Variants in SLC35A3 observed in about 807,000 individuals in gnomAD.
SLC35A3 encodes the protein UDP-N-acetylglucosamine transporter.
SLC35A3 carries 26 observed loss-of-function variants against 39.0 expected under a neutral mutation model. The ratio of observed to expected loss-of-function variants is 0.67; its 90% CI spans 0.49 to 0.92. SLC35A3 has a LOEUF of 0.92. Ranked by LOEUF, SLC35A3 falls within the 40% of genes least tolerant of loss-of-function variation. SLC35A3 has a pLI of 0.00. For missense variants in SLC35A3, 299 were observed against 371.6 expected (o/e 0.80, Z 1.61); for synonymous variants, 135 against 133.1 (o/e 1.01, Z -0.10).
intron 2 of SLC35A3, among the ~76,000 whole-genome samples, chr1:99,995,076 A>G (rs1406517003): frequency 2.0e-5 from 3 of 147,822 alleles, no homozygotes. Context: ...ATGAATTTTT[A>G]TGGGGTTTTT....
intron 7 of SLC35A3, 26 bp from the exon 8 acceptor site, chr1:100,022,360 T>C: frequency 8.0e-7 from 1 of 1,252,892 alleles, no homozygotes; most frequent in Non-Finnish European, 1.2e-6. Flanking sequence ...ATTTTCTCTT[T>C]TTTATTTTGT....
chr1:100,019,717 A>T (rs754902785), intron 7 of SLC35A3, among the ~76,000 whole-genome samples: 1 of 152,024 alleles, frequency 6.6e-6, no homozygotes, highest in South Asian at 2.1e-4. Flanking sequence ...TAGTTTGTCA[A>T]TCCTTGCTCA....
At chr1:99,998,621 T>C (rs1046801731) in intron 2 of SLC35A3, among the ~76,000 whole-genome samples, 3 of 152,112 alleles carry the variant, frequency 2.0e-5, no homozygotes, top group Non-Finnish European at 4.4e-5. Flanking sequence ...AACTTTCAAT[T>C]TGGAAGAAAA....
At chr1:100,011,940 A>G (rs188901832) in intron 5 of SLC35A3, among the ~76,000 whole-genome samples, 2,038 of 151,778 alleles carry the variant, frequency 0.013, 18 homozygotes, top group Middle Eastern at 0.058. Context: ...GGATGGTCTC[A>G]ATTTCTTGAC....
Position 100,017,169 on chromosome 1 carries a change from A to G in SLC35A3, c.754-513A>G, listed in dbSNP as rs1463753290. Among the ~76,000 whole-genome samples the G allele has an allele frequency of 2.0e-5, 3 of 152,200 alleles. No individual in the cohort carries two copies. The East Asian group carries it at 5.8e-4, about 29-fold the overall frequency. On this transcript the variant is annotated intron_variant, in intron 6 of 7. Coordinates refer to ENST00000533028, the MANE Select transcript of SLC35A3 (RefSeq NM_012243.3). ...GAGGGATTAGGTAAGTTCTTTCTACAGTCTTAAAGAAAAAGCACAATTAAA... is the reference window on the plus strand; with the variant it reads ...GAGGGATTAGGTAAGTTCTTTCTACGGTCTTAAAGAAAAAGCACAATTAAA...
chr1:100,027,165 G>A lies in SLC35A3; in HGVS notation c.*4689G>A, dbSNP rs746072026. ...AGCCCATATTCTAGCATGAAATACT[G>A]GGTTGGCCAGGTGCAGTGGCTCATT... On this transcript the variant is annotated 3_prime_UTR_variant, in exon 8 of 8. Transcript: ENST00000533028. The A allele has an allele frequency of 6.3e-5, 25 of 398,498 alleles. No individual in the cohort carries two copies. The highest frequency in any genetic ancestry group is 9.3e-5 in the Non-Finnish European group (21 of 226,060). The allele number at this position is 398,498 out of a possible 1,614,324, so 24.7% of individuals were successfully genotyped here. A position where few individuals can be genotyped will look rare whatever the true frequency, so the allele number is the denominator to read the frequency against.
intron 1 of SLC35A3, among the ~76,000 whole-genome samples, chr1:99,972,988 T>A (rs960983925): frequency 6.6e-6 from 1 of 152,230 alleles, no homozygotes; most frequent in African/African-American, 2.4e-5. Context: ...GAAATTGATA[T>A]AATTTGTGTC....
chr1:100,020,389 A>G (rs559894940), intron 7 of SLC35A3, among the ~76,000 whole-genome samples: 19 of 152,336 alleles, frequency 1.2e-4, no homozygotes, highest in Admixed American at 7.8e-4. Context: ...AGTCCATGCC[A>G]TTCCAAAGTT....
At chr1:99,999,805 C>T (rs966315608) in intron 3 of SLC35A3, among the ~76,000 whole-genome samples, 61 of 151,760 alleles carry the variant, frequency 4.0e-4, no homozygotes, top group African/African-American at 1.4e-3. Flanking sequence ...GAGATCCCCC[C>T]GCTCCCTTTT....
chr1:100,024,646 G>T lies in SLC35A3; in HGVS notation c.*2170G>T. The T allele has an allele frequency of 2.9e-6, 1 of 343,348 alleles. No individual in the cohort carries two copies. Among genetic ancestry groups the T allele is most frequent in the Non-Finnish European group, 5.1e-6 (1 of 194,530 alleles). 21.3% of individuals were successfully genotyped at this position (343,348 alleles called of 1,614,324 possible). A position where few individuals can be genotyped will look rare whatever the true frequency, so the allele number is the denominator to read the frequency against. On this transcript the variant is annotated 3_prime_UTR_variant, in exon 8 of 8. Transcript: ENST00000533028. ...TCTTTTTTTTTTTTTTTGAGACAGA[G>T]TCTCACTTTGTCGCCAGGCTGGAGT...
At position 100,033,470 on chromosome 1, in the gene SLC35A3, T is replaced by C. The variant is rs1661360756; in HGVS notation, c.*10994T>C. On this transcript the variant is annotated 3_prime_UTR_variant, in exon 8 of 8. Coordinates refer to ENST00000533028, the MANE Select transcript of SLC35A3 (RefSeq NM_012243.3). ...TTAGTTTTCCAATTTATCTTTCATG[T>C]GTTTCTTTTTAAAAAGCAAACAAAT... The C allele has an allele frequency of 6.6e-6, 1 of 152,164 alleles. No individual in the cohort carries two copies. The highest frequency in any genetic ancestry group is 1.9e-4 in the East Asian group (1 of 5,196). 9.4% of individuals were successfully genotyped at this position (152,164 alleles called of 1,614,324 possible). A position where few individuals can be genotyped will look rare whatever the true frequency, so the allele number is the denominator to read the frequency against.
At position 99,973,301 on chromosome 1, in the gene SLC35A3, T is replaced by C. The variant is rs549788941; in HGVS notation, c.-19+3139T>C. Among the ~76,000 whole-genome samples the C allele has an allele frequency of 2.6e-5, 4 of 152,354 alleles. No individual in the cohort carries two copies. The South Asian group carries it at 8.3e-4, about 32-fold the overall frequency. ...ATCACACTGACAGTTAATAATGTCATTCATGAGTATTAATTTATTATTAAA... is the reference window on the plus strand; with the variant it reads ...ATCACACTGACAGTTAATAATGTCACTCATGAGTATTAATTTATTATTAAA... On this transcript the variant is annotated intron_variant, in intron 1 of 7. Coordinates refer to ENST00000533028, the MANE Select transcript of SLC35A3 (RefSeq NM_012243.3).
intron 1 of SLC35A3, among the ~76,000 whole-genome samples, chr1:99,977,923 A>G (rs1240101327): frequency 1.3e-5 from 2 of 152,204 alleles, no homozygotes; most frequent in South Asian, 2.1e-4. Flanking sequence ...GAGCAATTCT[A>G]TCTTAATGAG....
At chr1:99,996,890 T>C (rs930131847) in intron 2 of SLC35A3, among the ~76,000 whole-genome samples, 14 of 152,226 alleles carry the variant, frequency 9.2e-5, no homozygotes, top group Middle Eastern at 3.4e-3. Flanking sequence ...AAACTTTCCA[T>C]AATCAAAGTC....
At chr1:99,998,023 T>G (rs997138802) in intron 2 of SLC35A3, among the ~76,000 whole-genome samples, 2 of 152,140 alleles carry the variant, frequency 1.3e-5, no homozygotes, top group Admixed American at 6.5e-5. Flanking sequence ...GGCACCACTT[T>G]GAGTTTTCTT....
intron 1 of SLC35A3, among the ~76,000 whole-genome samples, chr1:99,971,216 A>G (rs983846979): frequency 6.6e-6 from 1 of 152,052 alleles, no homozygotes; most frequent in African/African-American, 2.4e-5. Context: ...TTATTTAGGG[A>G]GGCATTTAAT....
intron 3 of SLC35A3, among the ~76,000 whole-genome samples, chr1:100,006,059 C>G (rs531897058): frequency 1.3e-5 from 2 of 152,208 alleles, no homozygotes; most frequent in East Asian, 3.9e-4. Context: ...TGGCTTTGAT[C>G]CTGGGTGGGT....
chr1:100,022,621 C>A lies in SLC35A3; in HGVS notation c.*145C>A, dbSNP rs482466. ...GTTTTTTAAAAGTTTAAGGATAAGACATGTGTATATGTAACAAAACACATT... is the reference window on the plus strand; with the variant it reads ...GTTTTTTAAAAGTTTAAGGATAAGAAATGTGTATATGTAACAAAACACATT... On this transcript the variant is annotated 3_prime_UTR_variant, in exon 8 of 8. Coordinates refer to ENST00000533028, the MANE Select transcript of SLC35A3 (RefSeq NM_012243.3). 2.2e-6 allele frequency: 1 copy of A among 455,380 alleles called. No homozygotes were observed. 28.2% of individuals were successfully genotyped at this position (455,380 alleles called of 1,614,324 possible). A position where few individuals can be genotyped will look rare whatever the true frequency, so the allele number is the denominator to read the frequency against.
At position 100,033,382 on chromosome 1, in the gene SLC35A3, C is replaced by G. The variant is rs1320903826; in HGVS notation, c.*10906C>G. ...TAGCTGTCATACCTATCCCTCCATT[C>G]CTAACCATCTCTTATAAGTAATTAT... On this transcript the variant is annotated 3_prime_UTR_variant, in exon 8 of 8. Coordinates refer to ENST00000533028, the MANE Select transcript of SLC35A3 (RefSeq NM_012243.3). 12 of 151,930 alleles carry G rather than the reference C, an allele frequency of 7.9e-5. No individual in the cohort carries two copies. Among genetic ancestry groups the G allele is most frequent in the Non-Finnish European group, 1.8e-4 (12 of 67,982 alleles). The allele number at this position is 151,930 out of a possible 1,614,324, so 9.4% of individuals were successfully genotyped here.
Sources: allele counts gnomAD v4.1 joint callset (sites outside exome capture counted in the v4.1 genomes callset), GRCh38; gene constraint gnomAD v4.1.1; transcripts MANE v1.5; gene names NCBI Gene and HGNC (gene_info 2026-07-23, HGNC 2026-07-21).